TMTC2: variants seen among roughly 807,000 people sequenced by gnomAD.
TMTC2 encodes the protein transmembrane O-mannosyltransferase targeting cadherins 2, also known as protein O-mannosyl-transferase TMTC2.
Under a neutral mutation model 82.4 loss-of-function variants are expected in TMTC2, and 43 were observed. The ratio of observed to expected loss-of-function variants is 0.52; its 90% confidence interval spans 0.41 to 0.67. The LOEUF (loss-of-function observed/expected upper bound fraction) is 0.67. Among genes scored for constraint, TMTC2 ranks in the 30% least tolerant of loss-of-function variants. TMTC2 has a pLI of 0.00. For synonymous variants in TMTC2, 408 were observed against 381.9 expected (o/e 1.07, Z -0.80); for missense variants, 919 against 1,012.4 (o/e 0.91, Z 1.25).
At chr12:83,106,475 G>T (rs1399999774) in intron 11 of TMTC2, among the ~76,000 whole-genome samples, 1 of 134,222 alleles carries the variant, frequency 7.5e-6, no homozygotes, top group East Asian at 2.2e-4. Flanking sequence ...CTCCAGCCTG[G>T]ACAACAAGAG....
At chr12:83,029,818 G>C (rs10862570) in intron 8 of TMTC2, among the ~76,000 whole-genome samples, 4 of 151,970 alleles carry the variant, frequency 2.6e-5, no homozygotes, top group Non-Finnish European at 5.9e-5. Context: ...AATCTGTTTC[G>C]ACTGTGGTAT....
intron 4 of TMTC2, among the ~76,000 whole-genome samples, chr12:82,935,989 G>A (rs1322884267): frequency 1.3e-5 from 2 of 152,052 alleles, no homozygotes; most frequent in Non-Finnish European, 2.9e-5. Context: ...TGGAAGATCA[G>A]CAGCTTTGGG....
chr12:82,956,472 G>C (rs2137287918), intron 4 of TMTC2, among the ~76,000 whole-genome samples: 1 of 152,152 alleles, frequency 6.6e-6, no homozygotes, highest in Admixed American at 6.6e-5. Flanking sequence ...TTATTTGTTT[G>C]AGACAGAGTC....
chr12:83,059,216 C>A (rs1482488886), intron 10 of TMTC2, among the ~76,000 whole-genome samples: 1 of 151,742 alleles, frequency 6.6e-6, no homozygotes, highest in Non-Finnish European at 1.5e-5. Context: ...CTGCTAAATT[C>A]TTTACTTTTC....
At chr12:82,755,575 T>C (rs917240542) in intron 1 of TMTC2, among the ~76,000 whole-genome samples, 3 of 152,196 alleles carry the variant, frequency 2.0e-5, no homozygotes, top group Non-Finnish European at 4.4e-5. Flanking sequence ...CCGGTGTTAG[T>C]GGTAGTTCTT....
rs553971321 is a variant in TMTC2, at chr12:82,908,834, T to C, written c.1483+12188T>C. Among the ~76,000 whole-genome samples, 3 of 152,326 alleles carry C rather than the reference T, an allele frequency of 2.0e-5. No homozygotes were observed. In the South Asian group the frequency reaches 6.2e-4, roughly 32 times the overall value. On this transcript the variant is annotated intron_variant, in intron 3 of 11. Coordinates refer to ENST00000321196, the MANE Select transcript of TMTC2 (RefSeq NM_152588.3). ...TTTCCTGTTGATTTAATTTCTTTCA[T>C]AGTTTTGGAAAGAGCCAAATTTGCT...
chr12:82,983,977 A>G (rs1851205512), intron 7 of TMTC2, among the ~76,000 whole-genome samples: 1 of 152,040 alleles, frequency 6.6e-6, no homozygotes, highest in African/African-American at 2.4e-5. Context: ...ATGTGGCAAG[A>G]AAAAATCCAT....
chr12:82,751,139 A>G (rs942996253), intron 1 of TMTC2, among the ~76,000 whole-genome samples: 5 of 152,196 alleles, frequency 3.3e-5, no homozygotes, highest in African/African-American at 1.2e-4. Flanking sequence ...AACCAACCCA[A>G]ATGTCCAACA....
intron 3 of TMTC2, among the ~76,000 whole-genome samples, chr12:82,905,567 A>G (rs968612494): frequency 1.3e-5 from 2 of 152,226 alleles, no homozygotes; most frequent in African/African-American, 4.8e-5. Context: ...TTTCATACAT[A>G]TTTGGAACTT....
intron 11 of TMTC2, among the ~76,000 whole-genome samples, chr12:83,111,944 A>C (rs1439206848): frequency 2.0e-5 from 3 of 148,414 alleles, no homozygotes; most frequent in African/African-American, 7.6e-5. Context: ...CCTCGTCTCT[A>C]CAAAAAAAAA....
At chr12:83,118,310 T>A (rs557320124) in intron 11 of TMTC2, among the ~76,000 whole-genome samples, 96 of 152,322 alleles carry the variant, frequency 6.3e-4, no homozygotes, top group African/African-American at 2.2e-3. Context: ...TGTAGGTTCG[T>A]CAGAGACGGC....
At chr12:82,776,463 C>A (rs901351451) in intron 1 of TMTC2, among the ~76,000 whole-genome samples, 1 of 152,078 alleles carries the variant, frequency 6.6e-6, no homozygotes, top group South Asian at 2.1e-4. Flanking sequence ...GAGTATCATA[C>A]TAAACAAGCT....
At chr12:82,994,135 G>T (rs1017416225) in intron 8 of TMTC2, among the ~76,000 whole-genome samples, 1 of 151,970 alleles carries the variant, frequency 6.6e-6, no homozygotes, top group Non-Finnish European at 1.5e-5. Flanking sequence ...AACTCCCCAG[G>T]GGTCCACACA....
chr12:82,819,039 C>T (rs1271662889), intron 1 of TMTC2, among the ~76,000 whole-genome samples: 1 of 151,738 alleles, frequency 6.6e-6, no homozygotes, highest in East Asian at 1.9e-4. Flanking sequence ...AATAATTAGT[C>T]CAGTGGGAAT....
chr12:83,085,471 T>G lies in TMTC2; in HGVS notation c.2331+23640T>G, dbSNP rs1307326352. On this transcript the variant is annotated intron_variant, in intron 11 of 11. Transcript: ENST00000321196. ...ATTTCATTTGTTTTTGAAACCCAGC[T>G]TATAAAATGGGGAAATAGTGGTGTA... is the stretch of plus-strand genomic sequence containing the variant. 2.6e-5 allele frequency among the ~76,000 whole-genome samples: 4 copies of G among 152,338 alleles called. No individual in the cohort carries two copies. In the East Asian group the frequency reaches 5.8e-4, roughly 22 times the overall value.
chr12:82,820,451 A>G (rs114302164), intron 1 of TMTC2, among the ~76,000 whole-genome samples: 2,742 of 151,246 alleles, frequency 0.018, 78 homozygotes, highest in African/African-American at 0.062. Context: ...GCTCTACTGC[A>G]ACGTCCTCCA....
chr12:82,772,954 T>C (rs1877386741), intron 1 of TMTC2, among the ~76,000 whole-genome samples: 1 of 152,228 alleles, frequency 6.6e-6, no homozygotes, highest in Non-Finnish European at 1.5e-5. Context: ...TTTAGAAAAT[T>C]GTCTTTCTAC....
intron 1 of TMTC2, among the ~76,000 whole-genome samples, chr12:82,821,174 T>A (rs1848912212): frequency 6.6e-6 from 1 of 152,206 alleles, no homozygotes; most frequent in Non-Finnish European, 1.5e-5. Flanking sequence ...TAGGTTTTTA[T>A]GATCAAGTAC....
intron 4 of TMTC2, among the ~76,000 whole-genome samples, chr12:82,941,746 T>G (rs942271644): frequency 6.6e-6 from 1 of 152,120 alleles, no homozygotes; most frequent in African/African-American, 2.4e-5. Flanking sequence ...ATAATGATTT[T>G]TTGTTGTTGT....
Sources: gnomAD v4.1 joint callset for allele counts (sites outside exome capture counted in the v4.1 genomes callset) on GRCh38, gnomAD v4.1.1 for gene constraint, MANE v1.5 for transcripts, NCBI Gene and HGNC (gene_info 2026-07-23, HGNC 2026-07-21) for gene names.